BCAS4: variants seen among roughly 807,000 people sequenced by gnomAD.
BCAS4 encodes breast carcinoma amplified sequence 4, also known as breast carcinoma-amplified sequence 4.
A neutral mutation model predicts 15.7 loss-of-function variants in BCAS4; 9 were observed. The observed-to-expected ratio is 0.57, with a 90% CI of 0.34 to 1.00. BCAS4 has a LOEUF of 1.00. BCAS4 is among the 50% of genes least tolerant of loss of function. BCAS4 has a pLI of 0.02. For synonymous variants in BCAS4, 101 were observed against 99.5 expected, an observed-to-expected ratio of 1.02 and a Z score of -0.09; for missense variants, 225 against 239.1, an observed-to-expected ratio of 0.94 and a Z score of 0.39.
chr20:50,826,266 G>A (rs960060457), intron 2 of BCAS4, among the ~76,000 whole-genome samples: 3 of 152,148 alleles, frequency 2.0e-5, no homozygotes, highest in Non-Finnish European at 4.4e-5. Context: ...CCCTGTCACT[G>A]GTAACAAATG....
rs56152037 is a variant in BCAS4, at chr20:50,858,925, C to CTATTATTATTAT, written c.399+17036_399+17047dup. ...TATTTTTTGTAGAGACAGGCTCTTG[C>CTATTATTATTAT]TATTATTATTATTATTATTATTGTG... is the stretch of plus-strand genomic sequence containing the variant. On this transcript the variant is annotated intron_variant, in intron 4 of 4. Transcript: ENST00000371608. Among the ~76,000 whole-genome samples, 189 of 144,604 alleles carry CTATTATTATTAT rather than the reference C, an allele frequency of 1.3e-3. 1 individual carries two copies. The highest frequency in any genetic ancestry group is 2.6e-3 in the Admixed American group (37 of 14,506). The allele number at this position is 144,604 out of a possible 152,430, so 94.9% of individuals were successfully genotyped here.
chr20:50,857,773 TG>T (rs1400515786), intron 4 of BCAS4, among the ~76,000 whole-genome samples: 2 of 152,184 alleles, frequency 1.3e-5, no homozygotes, highest in Non-Finnish European at 2.9e-5. Flanking sequence ...GGGCAGGTAG[TG>T]GGAAGCCTCT....
intron 1 of BCAS4, among the ~76,000 whole-genome samples, chr20:50,800,562 T>TC (rs1200008337): frequency 9.3e-6 from 1 of 107,806 alleles, no homozygotes; most frequent in Non-Finnish European, 2.0e-5. Flanking sequence ...AACATCCCTT[T>TC]TTTTTTTTTT....
chr20:50,832,947 G>C (rs1489813647), intron 3 of BCAS4: 1 of 152,230 alleles, frequency 6.6e-6, no homozygotes, highest in Non-Finnish European at 1.5e-5. Flanking sequence ...ACAGGTTCTG[G>C]GACTAGGACA....
chr20:50,821,339 CT>C (rs2088214044), intron 2 of BCAS4, among the ~76,000 whole-genome samples: 1 of 152,332 alleles, frequency 6.6e-6, no homozygotes, highest in East Asian at 1.9e-4. Context: ...ATATGTGACG[CT>C]TGTGGGACCC....
intron 4 of BCAS4, among the ~76,000 whole-genome samples, chr20:50,856,953 G>A (rs1019096508): frequency 2.0e-5 from 3 of 152,146 alleles, no homozygotes; most frequent in Admixed American, 6.5e-5. Flanking sequence ...ACTGGCTCCC[G>A]TAACTGTGAT....
intron 1 of BCAS4, among the ~76,000 whole-genome samples, chr20:50,796,030 G>C (rs1248440358): frequency 6.6e-6 from 1 of 152,048 alleles, no homozygotes; most frequent in Non-Finnish European, 1.5e-5. Flanking sequence ...TGAGGCTGCA[G>C]TGAGGCTTGA....
chr20:50,841,943 C>G (rs1476047450), intron 4 of BCAS4, 43 bp downstream of exon 4: 3 of 1,520,910 alleles, frequency 2.0e-6, no homozygotes, highest in Non-Finnish European at 2.6e-6. Flanking sequence ...GCCTCTCCCC[C>G]TTCGCTCCGC....
intron 2 of BCAS4, among the ~76,000 whole-genome samples, chr20:50,818,807 C>T (rs901415642): frequency 9.2e-5 from 14 of 152,176 alleles, no homozygotes; most frequent in Non-Finnish European, 2.1e-4. Context: ...TCTGGTTGGC[C>T]CAAATCTACT....
chr20:50,850,587 G>C (rs1329801622), intron 4 of BCAS4, among the ~76,000 whole-genome samples: 1 of 152,138 alleles, frequency 6.6e-6, no homozygotes, highest in Non-Finnish European at 1.5e-5. Flanking sequence ...GAGAGGGGAG[G>C]AAGTTCCTTC....
chr20:50,809,263 G>T (rs2088031983), intron 1 of BCAS4, among the ~76,000 whole-genome samples: 1 of 151,832 alleles, frequency 6.6e-6, no homozygotes, highest in Non-Finnish European at 1.5e-5. Context: ...AGGCTGGAGT[G>T]CAATGGCGCA....
chr20:50,866,090 A>C (rs1216176624), intron 4 of BCAS4, among the ~76,000 whole-genome samples: 1 of 151,846 alleles, frequency 6.6e-6, no homozygotes. Context: ...ACCAGCTGGG[A>C]CCCTGGGCAC....
At chr20:50,856,782 A>G (rs1978780461) in intron 4 of BCAS4, among the ~76,000 whole-genome samples, 1 of 152,044 alleles carries the variant, frequency 6.6e-6, no homozygotes, top group South Asian at 2.1e-4. Context: ...GCCTCCTATA[A>G]GCTCTCACTC....
intron 4 of BCAS4, among the ~76,000 whole-genome samples, chr20:50,868,492 G>A (rs1167481113): frequency 2.0e-5 from 3 of 152,098 alleles, no homozygotes; most frequent in Admixed American, 2.0e-4. Flanking sequence ...GCACAATCAC[G>A]GCTCACTGCA....
intron 1 of BCAS4, among the ~76,000 whole-genome samples, chr20:50,805,472 G>T (rs979899071): frequency 6.6e-6 from 1 of 152,118 alleles, no homozygotes; most frequent in Non-Finnish European, 1.5e-5. Flanking sequence ...ATTGCCATTT[G>T]TCTTGAACAA....
At chr20:50,882,530 A>C in the BCAS4 span, 16 of 152,238 alleles carry the variant, frequency 1.1e-4, no homozygotes, top group Non-Finnish European at 1.9e-4. Context: ...TGGAAGGATA[A>C]ACACAAATTT....
intron 1 of BCAS4, among the ~76,000 whole-genome samples, chr20:50,796,945 C>T (rs529174699): frequency 7.2e-4 from 109 of 152,154 alleles, no homozygotes; most frequent in Non-Finnish European, 4.3e-4. Flanking sequence ...ATCCTCCCAC[C>T]TCAGCCTCCC....
At position 50,851,710 on chromosome 20, in the gene BCAS4, GGA is replaced by G. The variant is rs1978433471; in HGVS notation, c.399+9811_399+9812del. Among the ~76,000 whole-genome samples the G allele has an allele frequency of 6.6e-6, 1 of 152,124 alleles. No homozygotes were observed. Among genetic ancestry groups the G allele is most frequent in the Non-Finnish European group, 1.5e-5 (1 of 68,032 alleles). On this transcript the variant is annotated intron_variant, in intron 4 of 4. Transcript: ENST00000371608. The surrounding 1 kb of genome is among the most constrained non-coding windows in gnomAD (Gnocchi z 4.3). ...CCAGCCCTGCCATCCTGGGGTTGTT[GGA>G]CATTGTTTGCGGCCTTTGCACATGC...
intron 4 of BCAS4, among the ~76,000 whole-genome samples, chr20:50,862,072 G>A (rs1337289693): frequency 2.0e-5 from 3 of 151,242 alleles, no homozygotes; most frequent in African/African-American, 4.9e-5. Flanking sequence ...TGTGTTGCCC[G>A]GCTGGATTCT....
Sources: allele counts gnomAD v4.1 joint callset (sites outside exome capture counted in the v4.1 genomes callset), GRCh38; gene constraint gnomAD v4.1.1; non-coding constraint Gnocchi (gnomAD v3.1); transcripts MANE v1.5; gene names NCBI Gene and HGNC (gene_info 2026-07-23, HGNC 2026-07-21).